The following CFAP73 variants were observed in gnomAD, a reference collection of about 807,000 sequenced individuals.
The protein encoded by CFAP73 is cilia- and flagella-associated protein 73.
In CFAP73, 33 loss-of-function variants were observed where a neutral mutation model predicts 42.9. The ratio of observed to expected loss-of-function variants is 0.77; its 90% confidence interval spans 0.58 to 1.03. The LOEUF is 1.03. CFAP73 is among the 50% of genes least tolerant of loss of function. CFAP73 has a pLI of 0.00. For synonymous variants in CFAP73, 162 were observed against 186.8 expected (o/e 0.87, Z 1.08); for missense variants, 392 against 411.9 (o/e 0.95, Z 0.42).
chr12:113,152,620 G>A (rs952336851), intron 2 of CFAP73, among the ~76,000 whole-genome samples, 163 bp from the exon 3 acceptor site: 2 of 152,200 alleles, frequency 1.3e-5, no homozygotes, highest in African/African-American at 4.8e-5. Context: ...GGCTGGAGGA[G>A]GGTGTTTGGG....
rs1489545054 is a variant in CFAP73 at position 113,158,052 on chromosome 12, T to C, written c.*11+362T>C. 3.7e-5 allele frequency: 8 copies of C among 215,660 alleles called. No homozygotes were observed. Among genetic ancestry groups the C allele is most frequent in the East Asian group, 2.1e-4 (2 of 9,488 alleles). 13.4% of individuals were successfully genotyped at this position (215,660 alleles called of 1,614,324 possible). The stretch of plus-strand genomic sequence containing the variant: ...GAGATCACCAAGGCCCCCTCCACTA[T>C]GGACTCTGCCAGGTGAGGGGCCCAG... On this transcript the variant is annotated intron_variant, in intron 7 of 7. Transcript: ENST00000335621. This position sits in a 1 kb window ranked among gnomAD's most constrained non-coding sequence, Gnocchi z 4.9.
intron 3 of CFAP73, 149 bp from the exon 4 acceptor site, chr12:113,153,059 C>G (rs957505859): frequency 6.6e-6 from 6 of 909,050 alleles, no homozygotes; most frequent in Non-Finnish European, 9.6e-6. Flanking sequence ...AAAAAGCGGG[C>G]GGGGGAGTTG....
chr12:113,152,572 T>C (rs1473530651), intron 2 of CFAP73, among the ~76,000 whole-genome samples: 1 of 152,020 alleles, frequency 6.6e-6, no homozygotes, highest in Non-Finnish European at 1.5e-5. Flanking sequence ...GAGGGTAAGA[T>C]GAGGCCTGAA....
chr12:113,155,312 T>C lies in CFAP73; in HGVS notation c.743T>C (p.Leu248Pro). The C allele has an allele frequency of 6.4e-7, 1 of 1,550,836 alleles. No homozygotes were observed. Among genetic ancestry groups the C allele is most frequent in the Non-Finnish European group, 8.7e-7 (1 of 1,146,300 alleles). Residue 248 changes from leucine (L) to proline (P), a missense_variant, in exon 6 of 8, where the codon CTG becomes CCG. Transcript: ENST00000335621. ...ACAGCAGCGGAGAAGACTCTGCTCCTGGGACGCAGCAGGATGGCTGTGCTC... is the reference window on the plus strand; with the variant it reads ...ACAGCAGCGGAGAAGACTCTGCTCCCGGGACGCAGCAGGATGGCTGTGCTC... Reference protein sequence around the residue: ...QNTAAEKTLLLGRSRMAVLNL... With the variant: ...QNTAAEKTLLPGRSRMAVLNL...
In CFAP73 at chr12:113,154,561, G is replaced by C. The variant is rs1023386770; in HGVS notation, c.616G>C (p.Val206Leu). ...QQLRDAWPDE[V>L]LAQGQRRAQL... ...GCTGCGGGACGCCTGGCCGGACGAGGTGCTCGCACAGGGCCAGCGGCGGGC... is the reference window on the plus strand; with the variant it reads ...GCTGCGGGACGCCTGGCCGGACGAGCTGCTCGCACAGGGCCAGCGGCGGGC... The change falls in exon 5 of 8, where the codon GTG becomes CTG. Residue 206 changes from valine to leucine, a missense_variant. Val to Leu is a conservative substitution (Grantham distance 32). Transcript: ENST00000335621. The surrounding 1 kb of genome is among the most constrained non-coding windows in gnomAD (Gnocchi z 4.7). 1.4e-6 allele frequency: 2 copies of C among 1,459,856 alleles called. No individual in the cohort carries two copies. The highest frequency in any genetic ancestry group is 1.5e-5 in the African/African-American group (1 of 67,040). The allele number at this position is 1,459,856 out of a possible 1,614,324, so 90.4% of individuals were successfully genotyped here.
At position 113,158,564 on chromosome 12, in the gene CFAP73, G is replaced by A. The variant is rs1405580991; in HGVS notation, c.*12-137G>A. On this transcript the variant is annotated intron_variant, in intron 7 of 7. Transcript: ENST00000335621. The surrounding 1 kb of genome is among the most constrained non-coding windows in gnomAD (Gnocchi z 4.9). ...CCTGAGGCACTCAGGGCTCTGACCG[G>A]TGCAGCCATGACCTCTGAACCCAGA... 8.9e-6 allele frequency: 3 copies of A among 336,656 alleles called. No individual in the cohort carries two copies. Among genetic ancestry groups the A allele is most frequent in the Non-Finnish European group, 1.6e-5 (3 of 186,906 alleles). 20.9% of individuals were successfully genotyped at this position (336,656 alleles called of 1,614,324 possible). A position where few individuals can be genotyped will look rare whatever the true frequency, so the allele number is the denominator to read the frequency against.
intron 2 of CFAP73, among the ~76,000 whole-genome samples, chr12:113,152,338 T>C (rs1383702713): frequency 6.6e-6 from 1 of 152,178 alleles, no homozygotes; most frequent in Non-Finnish European, 1.5e-5. Flanking sequence ...GCAGGGGCTG[T>C]GGAAGCCCAG....
Position 113,154,371 on chromosome 12 carries a change from C to T in CFAP73, c.469-43C>T, listed in dbSNP as rs1260835266. ...GCCAGGTGGGATGGAGAGGGTAAGG[C>T]ACTGCAGGCCCATGTGAGTCCCTTC... On this transcript the variant is annotated intron_variant, in intron 4 of 7. Coordinates refer to ENST00000335621, the MANE Select transcript of CFAP73 (RefSeq NM_001144872.3). This position sits in a 1 kb window ranked among gnomAD's most constrained non-coding sequence, Gnocchi z 4.7. 1 of 1,541,540 alleles carries T rather than the reference C, an allele frequency of 6.5e-7. No homozygotes were observed. The highest frequency in any genetic ancestry group is 8.8e-7 in the Non-Finnish European group (1 of 1,140,684).
At position 113,159,071 on chromosome 12, in the gene CFAP73, G is replaced by T. The variant is rs772730940; in HGVS notation, c.*382G>T. On this transcript the variant is annotated 3_prime_UTR_variant, in exon 8 of 8. Transcript: ENST00000335621. ...TTGGTCTTGAGTTCCGGGCGGACTC[G>T]GCCTGCAGGGGTGCCTGGGGCGTGG... is the stretch of plus-strand genomic sequence containing the variant. The T allele has an allele frequency of 3.7e-6, 6 of 1,607,642 alleles. No homozygotes were observed. The highest frequency in any genetic ancestry group is 1.1e-5 in the South Asian group (1 of 90,214).
In CFAP73 at chr12:113,154,077, G is replaced by A. The variant is rs1714011949; in HGVS notation, c.469-337G>A. Among the ~76,000 whole-genome samples the A allele has an allele frequency of 1.3e-5, 2 of 152,142 alleles. No homozygotes were observed. The highest frequency in any genetic ancestry group is 2.1e-4 in the South Asian group (1 of 4,826). On this transcript the variant is annotated intron_variant, in intron 4 of 7. Transcript: ENST00000335621. This position sits in a 1 kb window ranked among gnomAD's most constrained non-coding sequence, Gnocchi z 4.7. Reference sequence around the variant, plus strand: ...AAGGCGGGAGGATTGCTTGAAGCCAGGAGTTCGAGACCAGTCTGGGTAACA... The same window carrying A: ...AAGGCGGGAGGATTGCTTGAAGCCAAGAGTTCGAGACCAGTCTGGGTAACA...
chr12:113,153,185 C>T, intron 3 of CFAP73, 23 bp from the exon 4 acceptor site: 1 of 1,482,016 alleles, frequency 6.7e-7, no homozygotes, highest in Non-Finnish European at 8.9e-7. Flanking sequence ...TGAAGGTCGT[C>T]TTCTCCCCAC....
rs1952176723 is a variant in CFAP73 at position 113,159,260 on chromosome 12, AG to A, written c.*572del. The A allele has an allele frequency of 7.1e-6, 6 of 842,670 alleles. No individual in the cohort carries two copies. Among genetic ancestry groups the A allele is most frequent in the Non-Finnish European group, 1.1e-5 (6 of 564,164 alleles). The allele number at this position is 842,670 out of a possible 1,614,324, so 52.2% of individuals were successfully genotyped here. ...TCTGTACACAGTAGGTGGCTAATAA[AG>A]TTTTAGGCAGCCTCATGGAGTGGTC... On this transcript the variant is annotated 3_prime_UTR_variant, in exon 8 of 8. Transcript: ENST00000335621.
intron 5 of CFAP73, among the ~76,000 whole-genome samples, chr12:113,155,033 A>C (rs1419411272): frequency 1.3e-5 from 2 of 152,138 alleles, no homozygotes; most frequent in Admixed American, 6.5e-5. Context: ...AGCCAGGTCC[A>C]CTGGCGGGCG....
chr12:113,150,040 T>TA, intron 1 of CFAP73, 127 bp downstream of exon 1: 10 of 856,900 alleles, frequency 1.2e-5, no homozygotes, highest in African/African-American at 1.7e-5. Context: ...TTGTCCCCAC[T>TA]TCACAGAGGA....
At chr12:113,157,364 G>A (rs1381271929) in intron 6 of CFAP73, 12 of 572,704 alleles carry the variant, frequency 2.1e-5, no homozygotes, top group East Asian at 5.6e-5. Flanking sequence ...TGACAGCAGC[G>A]AGGAAGCTGT....
intron 1 of CFAP73, among the ~76,000 whole-genome samples, 166 bp downstream of exon 1, chr12:113,150,079 G>C (rs374982483): frequency 2.2e-4 from 33 of 152,202 alleles, no homozygotes; most frequent in African/African-American, 7.2e-4. Flanking sequence ...AGAAACCGAG[G>C]CATCACCATG....
Position 113,158,938 on chromosome 12 carries a change from T to C in CFAP73, c.*249T>C. ...GGCACCCCGGCCGAAGGCGCCCTGC[T>C]GCAGCTCCTGGACGCGGCGGCGGTT... On this transcript the variant is annotated 3_prime_UTR_variant, in exon 8 of 8. Coordinates refer to ENST00000335621, the MANE Select transcript of CFAP73 (RefSeq NM_001144872.3). The surrounding 1 kb of genome is among the most constrained non-coding windows in gnomAD (Gnocchi z 4.9). 6.2e-7 allele frequency: 1 copy of C among 1,610,398 alleles called. No individual in the cohort carries two copies. Among genetic ancestry groups the C allele is most frequent in the Non-Finnish European group, 8.5e-7 (1 of 1,177,586 alleles).
In CFAP73 at chr12:113,149,819, C is replaced by G. The variant is rs775168853; in HGVS notation, c.-39C>G. On this transcript the variant is annotated 5_prime_UTR_variant, in exon 1 of 8. Transcript: ENST00000335621. ...GGGTCTCCTAAGCTTGTGCAAAACT[C>G]CAGCTGGTGGAAAGAAAGCTGGGGC... is the stretch of plus-strand genomic sequence containing the variant. The G allele has an allele frequency of 6.5e-7, 1 of 1,549,258 alleles. No individual in the cohort carries two copies.
In CFAP73 at chr12:113,155,335, C is replaced by T. The variant is rs1952109989; in HGVS notation, c.766C>T (p.Leu256Phe). The part of the protein sequence containing the change: ...LLLGRSRMAV[L>F]NLFQLVCQHQ... ...CCTGGGACGCAGCAGGATGGCTGTGCTCAACCTGTTCCAGCTAGTGTGCCA... is the reference window on the plus strand; with the variant it reads ...CCTGGGACGCAGCAGGATGGCTGTGTTCAACCTGTTCCAGCTAGTGTGCCA... The change falls in exon 6 of 8, where the codon CTC becomes TTC. Residue 256 changes from leucine to phenylalanine, a missense_variant. Transcript: ENST00000335621. 1 of 1,551,278 alleles carries T rather than the reference C, an allele frequency of 6.4e-7. No individual in the cohort carries two copies. Among genetic ancestry groups the T allele is most frequent in the Non-Finnish European group, 8.7e-7 (1 of 1,146,748 alleles).
Sources: gnomAD v4.1 joint callset for allele counts (sites outside exome capture counted in the v4.1 genomes callset) on GRCh38, gnomAD v4.1.1 for gene constraint, Gnocchi (gnomAD v3.1) non-coding constraint, MANE v1.5 for transcripts, NCBI Gene and HGNC (gene_info 2026-07-23, HGNC 2026-07-21) for gene names.